NEK6: variants seen among roughly 807,000 people sequenced by gnomAD.
NEK6 encodes serine/threonine-protein kinase Nek6.
NEK6 carries 27 observed loss-of-function variants against 43.5 expected under a neutral mutation model. The observed-to-expected ratio is 0.62, with a 90% confidence interval of 0.46 to 0.86. NEK6 has a LOEUF of 0.86. Ranked by LOEUF, NEK6 falls within the 40% of genes least tolerant of loss-of-function variation. The pLI, the probability that NEK6 is intolerant of heterozygous loss-of-function variation, is 0.00. For synonymous variants in NEK6, 167 were observed against 164.1 expected (o/e 1.02, Z -0.14); for missense variants, 318 against 414.4 (o/e 0.77, Z 2.02).
In NEK6 at chr9:124,310,601, G is replaced by T. The variant is rs1407527091; in HGVS notation, c.91-1908G>T. On this transcript the variant is annotated intron_variant, in intron 2 of 9. Coordinates refer to ENST00000320246, the MANE Select transcript of NEK6 (RefSeq NM_014397.6). Reference sequence around the variant, plus strand: ...AGTTCCCTCAGCCAAATCTGGAAGAGACATTTTCTTTTTTTTGAGATGGAG... The same window carrying T: ...AGTTCCCTCAGCCAAATCTGGAAGATACATTTTCTTTTTTTTGAGATGGAG... Among the ~76,000 whole-genome samples the T allele has an allele frequency of 5.3e-5, 8 of 152,204 alleles. No homozygotes were observed. In the East Asian group the frequency reaches 1.5e-3, roughly 29 times the overall value.
At chr9:124,281,494 T>TC (rs1564619966) in intron 1 of NEK6, among the ~76,000 whole-genome samples, 4 of 130,292 alleles carry the variant, frequency 3.1e-5, no homozygotes, top group African/African-American at 1.1e-4. Context: ...TTTCTTTTTT[T>TC]TTTTTTTTTT....
In NEK6 at chr9:124,321,466, A is replaced by G. The variant is rs1209363432; in HGVS notation, c.302A>G (p.Asn101Ser). 1 of 1,611,426 alleles carries G rather than the reference A, an allele frequency of 6.2e-7. No individual in the cohort carries two copies. Among genetic ancestry groups the G allele is most frequent in the Non-Finnish European group, 8.5e-7 (1 of 1,177,730 alleles). The change falls in exon 5 of 10, where the codon AAC becomes AGC. Residue 101 changes from asparagine to serine, a missense_variant. Transcript: ENST00000320246. Reference sequence around the variant, plus strand: ...CTTTCCCTCCTCATGCAGCAACTGAACCACCCAAATATCATCAAGTATTTG... The same window carrying G: ...CTTTCCCTCCTCATGCAGCAACTGAGCCACCCAAATATCATCAAGTATTTG... ...VKEIGLLKQL[N>S]HPNIIKYLDS... is the part of the protein sequence containing the mutation.
intron 1 of NEK6, among the ~76,000 whole-genome samples, chr9:124,266,272 A>G (rs1006823856): frequency 6.6e-6 from 1 of 152,138 alleles, no homozygotes; most frequent in Non-Finnish European, 1.5e-5. Flanking sequence ...ACCTGAGGGA[A>G]CTCACTTCAT....
upstream of NEK6, chr9:124,257,800 G>A: frequency 7.1e-7 from 1 of 1,408,258 alleles, no homozygotes; most frequent in Non-Finnish European, 9.4e-7. Flanking sequence ...GCAGAACTCG[G>A]CGGAGTCGAG....
intron 1 of NEK6, among the ~76,000 whole-genome samples, chr9:124,288,337 A>G (rs1418375493): frequency 1.3e-5 from 2 of 152,048 alleles, no homozygotes; most frequent in Non-Finnish European, 2.9e-5. Context: ...CGCGACCTCA[A>G]TTCACTGCAA....
chr9:124,291,177 C>CTT (rs1252668637), intron 1 of NEK6, among the ~76,000 whole-genome samples: 2,452 of 152,314 alleles, frequency 0.016, 70 homozygotes, highest in African/African-American at 0.055. Flanking sequence ...ACCCTTGTCC[C>CTT]TGTTTTACCC....
chr9:124,327,947 C>A (rs1828746608), intron 7 of NEK6, among the ~76,000 whole-genome samples: 2 of 152,154 alleles, frequency 1.3e-5, no homozygotes, highest in Admixed American at 1.3e-4. Flanking sequence ...GGGGAGGGAG[C>A]AGCGTTCCAG....
At chr9:124,316,576 C>G (rs552324287) in intron 4 of NEK6, among the ~76,000 whole-genome samples, 1 of 152,346 alleles carries the variant, frequency 6.6e-6, no homozygotes, top group Admixed American at 6.5e-5. Context: ...CCCTTCCAGA[C>G]CCACCTGGGC....
intron 4 of NEK6, among the ~76,000 whole-genome samples, chr9:124,316,508 A>G (rs1360214147): frequency 1.3e-5 from 2 of 152,194 alleles, no homozygotes; most frequent in African/African-American, 2.4e-5. Context: ...ACAGCCAGAC[A>G]AAGCCCAACC....
chr9:124,260,778 A>G (rs1450029349), intron 1 of NEK6, among the ~76,000 whole-genome samples: 1 of 152,180 alleles, frequency 6.6e-6, no homozygotes, highest in Non-Finnish European at 1.5e-5. Flanking sequence ...CAACACTAAG[A>G]TGGAAGCTGT....
chr9:124,278,408 C>T (rs1831737001), intron 1 of NEK6, among the ~76,000 whole-genome samples: 1 of 152,294 alleles, frequency 6.6e-6, no homozygotes, highest in Middle Eastern at 3.4e-3. Flanking sequence ...GCAGTAGTGT[C>T]CCAGGCATTG....
Position 124,293,563 on chromosome 9 carries a change from A to G in NEK6, c.-29-8373A>G, listed in dbSNP as rs188564802. On this transcript the variant is annotated intron_variant, in intron 1 of 9. Coordinates refer to ENST00000320246, the MANE Select transcript of NEK6 (RefSeq NM_014397.6). ...TGATTGGGATGCTCCTCGATTTTCAAAAAGGCCCTGGGAACCCTGCAGTGT... is the reference window on the plus strand; with the variant it reads ...TGATTGGGATGCTCCTCGATTTTCAGAAAGGCCCTGGGAACCCTGCAGTGT... Among the ~76,000 whole-genome samples the G allele has an allele frequency of 2.2e-3, 337 of 152,318 alleles. 5 individuals carry two copies. Among genetic ancestry groups the G allele is most frequent in the African/African-American group, 7.4e-3 (306 of 41,566 alleles).
At chr9:124,342,634 CT>C (rs1324327123) in intron 8 of NEK6, among the ~76,000 whole-genome samples, 1 of 152,276 alleles carries the variant, frequency 6.6e-6, no homozygotes, top group Non-Finnish European at 1.5e-5. Context: ...CCACATTTCC[CT>C]TTTTGCTTTG....
At chr9:124,287,207 G>C (rs960938458) in intron 1 of NEK6, among the ~76,000 whole-genome samples, 1 of 152,124 alleles carries the variant, frequency 6.6e-6, no homozygotes, top group Non-Finnish European at 1.5e-5. Context: ...GACAAGACTC[G>C]AACCCAGGAT....
In NEK6 at chr9:124,324,800, C is replaced by T. The variant is rs1834252747; in HGVS notation, c.406-1530C>T. 6.6e-6 allele frequency among the ~76,000 whole-genome samples: 1 copy of T among 152,164 alleles called. No homozygotes were observed. The highest frequency in any genetic ancestry group is 1.5e-5 in the Non-Finnish European group (1 of 68,022). ...GGAAGCACCCAGACCTGGGTCCCAG[C>T]TGGGTGCTGGGTGACCTTGGGCATG... On this transcript the variant is annotated intron_variant, in intron 5 of 9. Coordinates refer to ENST00000320246, the MANE Select transcript of NEK6 (RefSeq NM_014397.6). This position sits in a 1 kb window ranked among gnomAD's most constrained non-coding sequence, Gnocchi z 5.3.
rs1027592456 is a variant in NEK6 at position 124,324,107 on chromosome 9, G to A, written c.406-2223G>A. Reference sequence around the variant, plus strand: ...GGGCCCTCACCTGCAGAGCTGGCTCGGTGCAGCCGCCAGCAGGGGAGGCCT... The same window carrying A: ...GGGCCCTCACCTGCAGAGCTGGCTCAGTGCAGCCGCCAGCAGGGGAGGCCT... On this transcript the variant is annotated intron_variant, in intron 5 of 9. Transcript: ENST00000320246. The surrounding 1 kb of genome is among the most constrained non-coding windows in gnomAD (Gnocchi z 5.3). 3.3e-5 allele frequency among the ~76,000 whole-genome samples: 5 copies of A among 152,150 alleles called. No homozygotes were observed. Among genetic ancestry groups the A allele is most frequent in the African/African-American group, 9.7e-5 (4 of 41,450 alleles).
chr9:124,330,910 C>T (rs889912843), intron 7 of NEK6, among the ~76,000 whole-genome samples: 13 of 152,256 alleles, frequency 8.5e-5, no homozygotes, highest in Non-Finnish European at 1.8e-4. Flanking sequence ...ACTCTGTAGC[C>T]ACTGAACTCA....
chr9:124,279,516 T>A (rs1831802767), intron 1 of NEK6, among the ~76,000 whole-genome samples: 1 of 152,208 alleles, frequency 6.6e-6, no homozygotes, highest in Non-Finnish European at 1.5e-5. Context: ...TTGGCCAGGC[T>A]GGTCTCGAAC....
intron 1 of NEK6, among the ~76,000 whole-genome samples, chr9:124,295,978 C>T (rs1465700616): frequency 2.0e-5 from 3 of 152,202 alleles, no homozygotes; most frequent in African/African-American, 4.8e-5. Context: ...TGGGAGATGC[C>T]GTTTCACCCG....
Sources: allele counts gnomAD v4.1 joint callset (sites outside exome capture counted in the v4.1 genomes callset), GRCh38; gene constraint gnomAD v4.1.1; non-coding constraint Gnocchi (gnomAD v3.1); transcripts MANE v1.5; gene names NCBI Gene and HGNC (gene_info 2026-07-23, HGNC 2026-07-21).